The following HDAC4 variants were observed in gnomAD, a reference collection of about 807,000 sequenced individuals.
HDAC4 encodes histone deacetylase 4.
In HDAC4, 16 loss-of-function variants were observed where a neutral mutation model predicts 135.1. That is an observed-to-expected ratio of 0.12 (90% CI 0.08 to 0.18). The LOEUF (loss-of-function observed/expected upper bound fraction) is 0.18, where lower values mean the gene tolerates loss of function less well. Ranked by LOEUF, HDAC4 falls within the 10% of genes least tolerant of loss-of-function variation. The pLI is 1.00. For missense variants in HDAC4, 1,143 were observed against 1,511.8 expected, an observed-to-expected ratio of 0.76 and a Z score of 4.05; for synonymous variants, 685 against 653.4, an observed-to-expected ratio of 1.05 and a Z score of -0.74.
intron 1 of HDAC4, among the ~76,000 whole-genome samples, chr2:239,355,398 T>C (rs1693425677): frequency 6.6e-6 from 1 of 152,188 alleles, no homozygotes; most frequent in Non-Finnish European, 1.5e-5. Flanking sequence ...CTGCTGCTAT[T>C]TTCCACAATA....
intron 22 of HDAC4, among the ~76,000 whole-genome samples, chr2:239,070,836 G>A (rs1378721309): frequency 6.6e-6 from 1 of 151,614 alleles, no homozygotes; most frequent in Non-Finnish European, 1.5e-5. Context: ...TCAAGTCCAA[G>A]ACACTTTTGC....
intron 11 of HDAC4, 97 bp from the exon 12 acceptor site, chr2:239,126,791 G>T (rs1470902875): frequency 5.3e-6 from 7 of 1,321,674 alleles, no homozygotes; most frequent in Non-Finnish European, 6.4e-6. Flanking sequence ...ACTGCGCCCT[G>T]TGCCCGCCAG....
chr2:239,160,846 G>A (rs1021071140), intron 6 of HDAC4, among the ~76,000 whole-genome samples: 1 of 152,254 alleles, frequency 6.6e-6, no homozygotes, highest in African/African-American at 2.4e-5. Context: ...CTGGGTCACA[G>A]GGTTGGTGGG....
intron 8 of HDAC4, among the ~76,000 whole-genome samples, chr2:239,143,865 C>T (rs2041574783): frequency 6.6e-6 from 1 of 152,260 alleles, no homozygotes; most frequent in South Asian, 2.1e-4. Context: ...AACATGTCCG[C>T]TGCCTCCCCT....
In HDAC4 at chr2:239,189,911, C is replaced by G; in HGVS notation, c.261G>C (p.Gln87His). ...ALKQKQQIQR[Q>H]ILIAEFQRQH... ...GCCTCTGGAACTCAGCGATGAGGAT[C>G]TGCCTCTGGATCTGCTGCTTCTGCT... The change falls in exon 4 of 27, where the codon CAG becomes CAC. Residue 87 changes from glutamine to histidine, a missense_variant. By Grantham distance (24) the Gln-to-His change is conservative. Coordinates refer to ENST00000543185, the MANE Select transcript of HDAC4 (RefSeq NM_001378414.1). 1 of 1,611,304 alleles carries G rather than the reference C, an allele frequency of 6.2e-7. No individual in the cohort carries two copies.
At chr2:239,267,363 T>A (rs1350907009) in intron 2 of HDAC4, among the ~76,000 whole-genome samples, 1 of 151,450 alleles carries the variant, frequency 6.6e-6, no homozygotes, top group Non-Finnish European at 1.5e-5. Context: ...GCCGATGGAG[T>A]CTGAAGAGCA....
At chr2:239,194,707 A>G (rs368253206) in intron 3 of HDAC4, among the ~76,000 whole-genome samples, 90 of 152,362 alleles carry the variant, frequency 5.9e-4, no homozygotes, top group African/African-American at 2.1e-3. Flanking sequence ...GTGACAGCAC[A>G]GAGAGGATGA....
chr2:239,205,508 C>G (rs2045990652), intron 3 of HDAC4, among the ~76,000 whole-genome samples: 2 of 152,022 alleles, frequency 1.3e-5, no homozygotes, highest in African/African-American at 4.8e-5. Flanking sequence ...ATATACCAGG[C>G]TGAAAACTAA....
intron 1 of HDAC4, among the ~76,000 whole-genome samples, chr2:239,386,799 G>A (rs1325508543): frequency 2.0e-5 from 3 of 152,222 alleles, no homozygotes; most frequent in Non-Finnish European, 2.9e-5. Flanking sequence ...AGTTCTAACA[G>A]TGAAAACACA....
chr2:239,180,013 G>A (rs1368109700), intron 4 of HDAC4, among the ~76,000 whole-genome samples: 3 of 152,368 alleles, frequency 2.0e-5, no homozygotes, highest in Admixed American at 2.0e-4. Context: ...CCTTCTCTGT[G>A]GGCGCCAACC....
At chr2:239,319,613 C>T (rs562782381) in intron 2 of HDAC4, among the ~76,000 whole-genome samples, 14 of 152,314 alleles carry the variant, frequency 9.2e-5, no homozygotes, top group Admixed American at 2.6e-4. Context: ...CCCAAGTTTG[C>T]GTGTGTCAGA....
intron 2 of HDAC4, among the ~76,000 whole-genome samples, chr2:239,243,538 T>C (rs1042827039): frequency 3.9e-5 from 6 of 152,174 alleles, no homozygotes; most frequent in African/African-American, 1.4e-4. Context: ...AAGAGTAGTA[T>C]AGGTCACACC....
intron 14 of HDAC4, among the ~76,000 whole-genome samples, chr2:239,109,136 C>T (rs1050353007): frequency 1.3e-5 from 2 of 152,220 alleles, no homozygotes; most frequent in Non-Finnish European, 1.5e-5. Flanking sequence ...AGGAGGGCTG[C>T]CCCGAGGCCC....
intron 6 of HDAC4, among the ~76,000 whole-genome samples, chr2:239,160,074 C>T (rs892620828): frequency 2.6e-5 from 4 of 152,296 alleles, no homozygotes; most frequent in South Asian, 2.1e-4. Flanking sequence ...AGAAATACAA[C>T]GAGGAACCAC....
chr2:239,086,612 G>T (rs960949492), intron 19 of HDAC4, among the ~76,000 whole-genome samples: 17 of 152,204 alleles, frequency 1.1e-4, no homozygotes, highest in Non-Finnish European at 1.6e-4. Flanking sequence ...CGTCCTGCCG[G>T]CCCCTCCGTG....
At chr2:239,126,778 A>G in intron 11 of HDAC4, 84 bp from the exon 12 acceptor site, 1 of 1,445,178 alleles carries the variant, frequency 6.9e-7, no homozygotes, top group South Asian at 1.2e-5. Flanking sequence ...AGTGATGGAG[A>G]CAACTGCGCC....
Position 239,308,521 on chromosome 2 carries a change from C to G in HDAC4, c.22+44157G>C, listed in dbSNP as rs1380119324. Among the ~76,000 whole-genome samples, 1 of 152,122 alleles carries G rather than the reference C, an allele frequency of 6.6e-6. No individual in the cohort carries two copies. Reference sequence around the variant, plus strand: ...AGGAAAATAACAATAATGAAGATATCGTTGGTGGAATACATAACCTCCATC... The same window carrying G: ...AGGAAAATAACAATAATGAAGATATGGTTGGTGGAATACATAACCTCCATC... On this transcript the variant is annotated intron_variant, in intron 2 of 26. Transcript: ENST00000543185. This position sits in a 1 kb window ranked among gnomAD's most constrained non-coding sequence, Gnocchi z 4.2.
At chr2:239,138,141 A>G (rs546921543) in intron 9 of HDAC4, among the ~76,000 whole-genome samples, 9 of 152,228 alleles carry the variant, frequency 5.9e-5, no homozygotes, top group Non-Finnish European at 1.3e-4. Context: ...GACCTCAGCT[A>G]TGACCACAGC....
chr2:239,283,241 G>A (rs2050924272), intron 2 of HDAC4, among the ~76,000 whole-genome samples: 2 of 152,222 alleles, frequency 1.3e-5, no homozygotes, highest in African/African-American at 4.8e-5. Context: ...GAGTCAAGCT[G>A]GCTGGAAAGG....
Sources: gnomAD v4.1 joint callset for allele counts (sites outside exome capture counted in the v4.1 genomes callset) on GRCh38, gnomAD v4.1.1 for gene constraint, Gnocchi (gnomAD v3.1) non-coding constraint, MANE v1.5 for transcripts, NCBI Gene and HGNC (gene_info 2026-07-23, HGNC 2026-07-21) for gene names.